GRID2: variants seen among roughly 807,000 people sequenced by gnomAD.
The protein encoded by GRID2 is glutamate receptor ionotropic, delta-2.
In GRID2, 33 loss-of-function variants were observed where a neutral mutation model predicts 114.8. The ratio of observed to expected loss-of-function variants is 0.29; its 90% CI spans 0.22 to 0.38. GRID2 has a LOEUF of 0.38. Among genes scored for constraint, GRID2 ranks in the 10% least tolerant of loss-of-function variants. GRID2 has a pLI of 1.00. For missense variants in GRID2, 1,184 were observed against 1,257.7 expected (o/e 0.94, Z 0.89); for synonymous variants, 505 against 449.9 (o/e 1.12, Z -1.55).
intron 11 of GRID2, among the ~76,000 whole-genome samples, chr4:93,463,629 A>G (rs1350990944): frequency 6.6e-6 from 1 of 152,206 alleles, no homozygotes; most frequent in Non-Finnish European, 1.5e-5. Context: ...CTGTTTCCTA[A>G]GAGACACTAA....
At chr4:92,939,409 GTTGT>G (rs1164545631) in intron 2 of GRID2, among the ~76,000 whole-genome samples, 8 of 147,196 alleles carry the variant, frequency 5.4e-5, no homozygotes, top group Admixed American at 1.5e-4. Context: ...TTTTGATGGG[GTTGT>G]TTGTTTTTTT....
chr4:93,449,632 TG>T (rs1219168570), intron 10 of GRID2, among the ~76,000 whole-genome samples: 1 of 152,100 alleles, frequency 6.6e-6, no homozygotes, highest in Non-Finnish European at 1.5e-5. Context: ...TAGACAAACG[TG>T]GCTTGATGGC....
At chr4:92,570,300 AT>A (rs1377099646) in intron 1 of GRID2, among the ~76,000 whole-genome samples, 1 of 151,780 alleles carries the variant, frequency 6.6e-6, no homozygotes, top group Non-Finnish European at 1.5e-5. Flanking sequence ...TCTCTATGCT[AT>A]TTCATTGGTC....
chr4:92,709,758 C>T (rs986208021), intron 2 of GRID2, among the ~76,000 whole-genome samples: 33 of 151,620 alleles, frequency 2.2e-4, no homozygotes, highest in Non-Finnish European at 4.0e-4. Flanking sequence ...AGAGTGATAA[C>T]GAATCAGGTT....
At chr4:93,238,259 C>A in intron 7 of GRID2, 112 bp from the exon 8 acceptor site, 1 of 704,862 alleles carries the variant, frequency 1.4e-6, no homozygotes, top group Non-Finnish European at 2.2e-6. Flanking sequence ...AAATTGCTTA[C>A]TTTAAATATT....
chr4:93,226,784 T>C (rs1480404137), intron 7 of GRID2, among the ~76,000 whole-genome samples: 1 of 152,214 alleles, frequency 6.6e-6, no homozygotes, highest in Non-Finnish European at 1.5e-5. Flanking sequence ...GACAAGTCTC[T>C]GCCTGAGTCT....
chr4:92,931,651 G>A (rs1381247073), intron 2 of GRID2, among the ~76,000 whole-genome samples: 3 of 148,714 alleles, frequency 2.0e-5, no homozygotes, highest in Non-Finnish European at 3.0e-5. Context: ...CACAGCATTC[G>A]GAATAGATCT....
intron 2 of GRID2, among the ~76,000 whole-genome samples, chr4:92,987,971 A>G (rs1473079041): frequency 6.6e-6 from 1 of 152,176 alleles, no homozygotes; most frequent in Admixed American, 6.5e-5. Flanking sequence ...TTCAGTGCAT[A>G]TTGTGTTACA....
At chr4:93,494,897 T>G (rs1727381780) in intron 12 of GRID2, among the ~76,000 whole-genome samples, 1 of 151,822 alleles carries the variant, frequency 6.6e-6, no homozygotes, top group Non-Finnish European at 1.5e-5. Flanking sequence ...GAGTAAGCAC[T>G]GGATAATAGC....
chr4:92,856,518 A>G (rs1365064512), intron 2 of GRID2, among the ~76,000 whole-genome samples: 2 of 152,158 alleles, frequency 1.3e-5, no homozygotes, highest in Non-Finnish European at 2.9e-5. Flanking sequence ...GCATTTTTCA[A>G]CACTTTTTTT....
chr4:92,304,457 G>T lies in GRID2; in HGVS notation c.-200G>T. 1.7e-6 allele frequency: 1 copy of T among 603,890 alleles called. No homozygotes were observed. Among genetic ancestry groups the T allele is most frequent in the Non-Finnish European group, 2.9e-6 (1 of 342,264 alleles). 37.4% of individuals were successfully genotyped at this position (603,890 alleles called of 1,614,324 possible). On this transcript the variant is annotated 5_prime_UTR_variant, in exon 1 of 16. The change creates a new upstream start codon in the 5' untranslated region. Coordinates refer to ENST00000282020, the MANE Select transcript of GRID2 (RefSeq NM_001510.4). ...CCAAGTGACACGGCTTTGCGAAGGA[G>T]GTTTCCTCAGGCTGGGCTCTTTCTG...
chr4:92,794,588 C>T (rs1364013225), intron 2 of GRID2, among the ~76,000 whole-genome samples: 6 of 151,308 alleles, frequency 4.0e-5, no homozygotes, highest in Admixed American at 2.0e-4. Flanking sequence ...CAAAAACTGC[C>T]GAATATTTGC....
chr4:93,694,797 CAT>C (rs1465583739), intron 14 of GRID2, among the ~76,000 whole-genome samples: 2 of 152,206 alleles, frequency 1.3e-5, no homozygotes, highest in Admixed American at 6.5e-5. Context: ...CTCACACACA[CAT>C]GACAGTATTG....
At chr4:93,322,699 C>T (rs1757367179) in intron 8 of GRID2, among the ~76,000 whole-genome samples, 1 of 152,284 alleles carries the variant, frequency 6.6e-6, no homozygotes, top group Admixed American at 6.5e-5. Flanking sequence ...ACATCCTCTC[C>T]AGTACCTGTT....
chr4:93,161,144 C>T (rs773815137), intron 4 of GRID2, among the ~76,000 whole-genome samples: 4 of 151,748 alleles, frequency 2.6e-5, no homozygotes, highest in African/African-American at 7.3e-5. Context: ...AAAAAGTTTA[C>T]ATCATAATGC....
intron 2 of GRID2, among the ~76,000 whole-genome samples, chr4:92,870,083 C>A (rs1035815288): frequency 6.6e-6 from 1 of 151,580 alleles, no homozygotes; most frequent in Non-Finnish European, 1.5e-5. Context: ...TGCCTGTATT[C>A]CTAGCTACTT....
intron 2 of GRID2, among the ~76,000 whole-genome samples, chr4:92,830,126 G>C (rs1742001285): frequency 6.7e-6 from 1 of 149,670 alleles, no homozygotes; most frequent in African/African-American, 2.5e-5. Context: ...AACTAGCACT[G>C]AGGAAACACC....
chr4:93,627,302 T>C (rs1215393376), intron 14 of GRID2, among the ~76,000 whole-genome samples: 4 of 152,148 alleles, frequency 2.6e-5, no homozygotes, highest in African/African-American at 4.8e-5. Flanking sequence ...AGGCCCTAAA[T>C]TTCAAACAAC....
chr4:93,023,231 A>G (rs1474727919), intron 2 of GRID2, among the ~76,000 whole-genome samples: 3 of 151,704 alleles, frequency 2.0e-5, no homozygotes, highest in African/African-American at 7.3e-5. Flanking sequence ...AATTAATGAC[A>G]TATTGCTGGC....
Sources: allele counts gnomAD v4.1 joint callset (sites outside exome capture counted in the v4.1 genomes callset), GRCh38; gene constraint gnomAD v4.1.1; transcripts MANE v1.5; gene names NCBI Gene and HGNC (gene_info 2026-07-23, HGNC 2026-07-21).